GYS2: variants seen among roughly 807,000 people sequenced by gnomAD.
GYS2 encodes the protein glycogen synthase 2, also known as glycogen [starch] synthase, liver.
Under a neutral mutation model 85.6 loss-of-function variants are expected in GYS2, and 80 were observed. The observed-to-expected ratio is 0.93, with a 90% CI of 0.78 to 1.13. The LOEUF is 1.13. Among genes scored for constraint, GYS2 ranks in the 50% most tolerant of loss-of-function variants. GYS2 has a pLI of 0.00. For missense variants in GYS2, 881 were observed against 854.9 expected, an observed-to-expected ratio of 1.03 and a Z score of -0.38; for synonymous variants, 328 against 300.7, an observed-to-expected ratio of 1.09 and a Z score of -0.94.
intron 11 of GYS2, among the ~76,000 whole-genome samples, chr12:21,547,056 G>A (rs1944050708): frequency 6.6e-6 from 1 of 152,052 alleles, no homozygotes; most frequent in African/African-American, 2.4e-5. Context: ...CTGTCCCACT[G>A]GGGTCTCTAT....
chr12:21,601,666 T>C (rs1367180778), intron 1 of GYS2, among the ~76,000 whole-genome samples: 1 of 152,096 alleles, frequency 6.6e-6, no homozygotes. Flanking sequence ...CACTGTATAG[T>C]CTTAGGACAC....
intron 1 of GYS2, among the ~76,000 whole-genome samples, chr12:21,587,389 C>T (rs1944586162): frequency 1.3e-5 from 2 of 152,134 alleles, no homozygotes; most frequent in Admixed American, 6.6e-5. Flanking sequence ...ATAATCCTCA[C>T]GTGTTGTGGG....
At chr12:21,534,408 T>C (rs1295208187), downstream of GYS2, among the ~76,000 whole-genome samples, 1 of 152,016 alleles carries the variant, frequency 6.6e-6, no homozygotes, top group Non-Finnish European at 1.5e-5. Flanking sequence ...TCTGAGATAC[T>C]TGGGAGGCTG....
chr12:21,557,179 T>C (rs963534701), intron 11 of GYS2, among the ~76,000 whole-genome samples: 1 of 152,226 alleles, frequency 6.6e-6, no homozygotes, highest in African/African-American at 2.4e-5. Flanking sequence ...AATGGGTTCA[T>C]TTGAAAAGAT....
chr12:21,596,084 A>G (rs1944692973), intron 1 of GYS2, among the ~76,000 whole-genome samples: 1 of 152,124 alleles, frequency 6.6e-6, no homozygotes, highest in Non-Finnish European at 1.5e-5. Context: ...CAGACCAATA[A>G]CAAGCAGTGA....
Position 21,536,211 on chromosome 12 carries a change from GTTTA to G in GYS2, c.*739_*742del, listed in dbSNP as rs886049151. On this transcript the variant is annotated 3_prime_UTR_variant, in exon 16 of 16. Transcript: ENST00000261195. ...AAGTTAAGTTATTAAATATTAATGT[GTTTA>G]TTTACTTGGATTTTACAAGTTATCA... The G allele has an allele frequency of 6.6e-6, 1 of 152,154 alleles. No homozygotes were observed. Among genetic ancestry groups the G allele is most frequent in the African/African-American group, 2.4e-5 (1 of 41,430 alleles). The allele number at this position is 152,154 out of a possible 1,614,324, so 9.4% of individuals were successfully genotyped here. A position where few individuals can be genotyped will look rare whatever the true frequency, so the allele number is the denominator to read the frequency against.
chr12:21,594,562 G>A (rs549969301), intron 1 of GYS2, among the ~76,000 whole-genome samples: 9 of 151,934 alleles, frequency 5.9e-5, no homozygotes, highest in Non-Finnish European at 8.8e-5. Flanking sequence ...ACCTCTATTC[G>A]GAAAACTACA....
chr12:21,574,343 A>G lies in GYS2; in HGVS notation c.496-17T>C. ...ATCTGTCACCTACATTAGGAAAAAAAAAGCATTCAGAAAAGTTGTTGATGA... is the reference window on the plus strand; with the variant it reads ...ATCTGTCACCTACATTAGGAAAAAAGAAGCATTCAGAAAAGTTGTTGATGA... On this transcript the variant is annotated splice_polypyrimidine_tract_variant and intron_variant, in intron 3 of 15. Coordinates refer to ENST00000261195, the MANE Select transcript of GYS2 (RefSeq NM_021957.4). 2 of 1,607,058 alleles carry G rather than the reference A, an allele frequency of 1.2e-6. No individual in the cohort carries two copies. Among genetic ancestry groups the G allele is most frequent in the Non-Finnish European group, 1.7e-6 (2 of 1,173,694 alleles).
intron 1 of GYS2, among the ~76,000 whole-genome samples, chr12:21,592,217 A>C (rs193088812): frequency 1.3e-5 from 2 of 152,082 alleles, no homozygotes; most frequent in East Asian, 3.9e-4. Context: ...AAAAAAACAC[A>C]AAACAAACAA....
In GYS2 at chr12:21,580,395, C is replaced by T. The variant is rs1359210515; in HGVS notation, c.250G>A (p.Val84Ile). 8 of 1,613,802 alleles carry T rather than the reference C, an allele frequency of 5.0e-6. No individual in the cohort carries two copies. In the Admixed American group the frequency reaches 5.0e-5, roughly 10 times the overall value. ...ACTGCTCTTCTGACAGCATCATTTA[C>T]AGGTTCACACTGTTCCACCTGAGTC... ...MKTQVEQCEP[V>I]NDAVRRAVDA... Residue 84 changes from valine to isoleucine, a missense_variant, in exon 2 of 16, where the codon GTA becomes ATA. Val to Ile is a conservative substitution (Grantham distance 29). Coordinates refer to ENST00000261195, the MANE Select transcript of GYS2 (RefSeq NM_021957.4).
intron 1 of GYS2, among the ~76,000 whole-genome samples, chr12:21,583,799 C>T (rs1279187884): frequency 1.3e-5 from 2 of 152,278 alleles, no homozygotes; most frequent in East Asian, 3.9e-4. Context: ...ATCCATCTAG[C>T]CATAAAGTGG....
At chr12:21,599,779 T>G (rs1163386121) in intron 1 of GYS2, among the ~76,000 whole-genome samples, 1 of 152,172 alleles carries the variant, frequency 6.6e-6, no homozygotes. Flanking sequence ...AATGCAATTA[T>G]GGACTCATTC....
At chr12:21,550,314 A>AACACACACACAC (rs10582787) in intron 11 of GYS2, among the ~76,000 whole-genome samples, 31 of 148,330 alleles carry the variant, frequency 2.1e-4, no homozygotes, top group African/African-American at 7.0e-4. Flanking sequence ...AGACAGAAAG[A>AACACACACACAC]ACACACACAC....
chr12:21,556,461 G>A (rs1430196429), intron 11 of GYS2, among the ~76,000 whole-genome samples: 4 of 152,108 alleles, frequency 2.6e-5, no homozygotes, highest in Admixed American at 6.5e-5. Flanking sequence ...GTGAAGCACC[G>A]CACCCAGCCC....
At chr12:21,535,528 C>G (rs919623368), downstream of GYS2, among the ~76,000 whole-genome samples, 1 of 152,204 alleles carries the variant, frequency 6.6e-6, no homozygotes, top group African/African-American at 2.4e-5. Context: ...TTCTGGACAT[C>G]TAAGTAAAGT....
chr12:21,552,329 G>C (rs1281573036), intron 11 of GYS2, among the ~76,000 whole-genome samples: 3 of 152,204 alleles, frequency 2.0e-5, no homozygotes, highest in Non-Finnish European at 4.4e-5. Flanking sequence ...ACACTACGTA[G>C]CTAAGGCAAA....
At chr12:21,592,112 A>G (rs867996858) in intron 1 of GYS2, among the ~76,000 whole-genome samples, 42 of 151,898 alleles carry the variant, frequency 2.8e-4, no homozygotes, top group Middle Eastern at 6.8e-3. Context: ...ACCACTACAG[A>G]AAATCACCAA....
intron 8 of GYS2, 105 bp from the exon 9 acceptor site, chr12:21,559,815 CT>C: frequency 4.1e-6 from 1 of 246,824 alleles, no homozygotes; most frequent in African/African-American, 3.8e-5. Context: ...AAATTACATT[CT>C]TTGAAATTAC....
chr12:21,556,100 CT>C (rs1479373518), intron 11 of GYS2, among the ~76,000 whole-genome samples: 1 of 152,058 alleles, frequency 6.6e-6, no homozygotes. Context: ...ACTTTTCTTC[CT>C]CTAATTTTCT....
Sources: allele counts gnomAD v4.1 joint callset (sites outside exome capture counted in the v4.1 genomes callset), GRCh38; gene constraint gnomAD v4.1.1; transcripts MANE v1.5; gene names NCBI Gene and HGNC (gene_info 2026-07-23, HGNC 2026-07-21).